The following SIDT1 variants were observed in gnomAD, a reference collection of about 807,000 sequenced individuals.
SIDT1 encodes the protein SID1 transmembrane family member 1, also known as SID1 transmembrane family, member 1.
A neutral mutation model predicts 107.5 loss-of-function variants in SIDT1; 101 were observed. The ratio of observed to expected loss-of-function variants is 0.94; its 90% confidence interval spans 0.80 to 1.11. The LOEUF (loss-of-function observed/expected upper bound fraction) is 1.11, where lower values mean the gene tolerates loss of function less well. Ranked by LOEUF, SIDT1 falls within the 50% of genes least tolerant of loss-of-function variation. The pLI is 0.00. For missense variants in SIDT1, 1,076 were observed against 1,058.2 expected, an observed-to-expected ratio of 1.02 and a Z score of -0.23; for synonymous variants, 395 against 398.2, an observed-to-expected ratio of 0.99 and a Z score of 0.10.
At chr3:113,635,191 T>A in the SIDT1 span, among the ~76,000 whole-genome samples, 1 of 152,244 alleles carries the variant, frequency 6.6e-6, no homozygotes, top group Non-Finnish European at 1.5e-5. Context: ...GTGTGGTTAT[T>A]TATTTTCTAA....
intron 24 of SIDT1, among the ~76,000 whole-genome samples, chr3:113,626,422 T>C (rs116033694): frequency 1.1e-3 from 167 of 152,282 alleles, no homozygotes; most frequent in African/African-American, 3.9e-3. Context: ...TACTCTTCAA[T>C]ATCTTTAGAC....
intron 3 of SIDT1, among the ~76,000 whole-genome samples, chr3:113,574,337 A>G (rs116199319): frequency 2.0e-5 from 3 of 152,236 alleles, no homozygotes; most frequent in African/African-American, 7.2e-5. Context: ...AGTTCATAGC[A>G]GATGGCAGAA....
chr3:113,552,756 A>G (rs1244923279), intron 1 of SIDT1, among the ~76,000 whole-genome samples: 1 of 152,028 alleles, frequency 6.6e-6, no homozygotes. Context: ...TTTTTGTGTC[A>G]TTTACTCACA....
intron 1 of SIDT1, among the ~76,000 whole-genome samples, chr3:113,541,263 G>A (rs867712953): frequency 3.3e-5 from 5 of 151,928 alleles, no homozygotes; most frequent in Admixed American, 6.6e-5. Flanking sequence ...TCTGCCTCCC[G>A]GGTTCAAGAA....
intron 1 of SIDT1, among the ~76,000 whole-genome samples, chr3:113,561,958 G>A (rs1409734218): frequency 1.3e-5 from 2 of 152,148 alleles, no homozygotes; most frequent in East Asian, 3.8e-4. Flanking sequence ...TAGCTTTTAA[G>A]CCAGACCAAA....
rs1942104999 is a variant in SIDT1 at position 113,568,280 on chromosome 3, C to A, written c.515+570C>A. On this transcript the variant is annotated intron_variant, in intron 3 of 24. Transcript: ENST00000264852. ...GAAGCTACCCAAATAGTCAAAAAAA[C>A]ACAACCTCATTAGCTATAAGAAATG... Among the ~76,000 whole-genome samples, 2 of 151,988 alleles carry A rather than the reference C, an allele frequency of 1.3e-5. 1 individual carries two copies. The highest frequency in any genetic ancestry group is 4.1e-4 in the South Asian group (2 of 4,822).
intron 1 of SIDT1, among the ~76,000 whole-genome samples, chr3:113,539,845 A>G (rs763497361): frequency 4.6e-5 from 7 of 152,132 alleles, no homozygotes; most frequent in Non-Finnish European, 1.0e-4. Context: ...TCTACTAAAA[A>G]TACAAAAAAG....
Position 113,615,070 on chromosome 3 carries a change from T to G in SIDT1, c.1967-1030T>G. The G allele has an allele frequency of 2.6e-6, 4 of 1,535,706 alleles. No individual in the cohort carries two copies. The South Asian group carries it at 4.8e-5, about 18-fold the overall frequency. ...TGCTTCCTACTGATTCAGATGTGTC[T>G]GACACAGGTAATGTTCAGCCACCCT... is the stretch of plus-strand genomic sequence containing the variant. On this transcript the variant is annotated intron_variant, in intron 19 of 24. Coordinates refer to ENST00000264852, the MANE Select transcript of SIDT1 (RefSeq NM_017699.3).
At chr3:113,588,178 C>T (rs1943878643) in intron 9 of SIDT1, among the ~76,000 whole-genome samples, 2 of 152,176 alleles carry the variant, frequency 1.3e-5, no homozygotes, top group African/African-American at 4.8e-5. Context: ...TTTTTCTAAG[C>T]TGTGGTATAA....
chr3:113,574,173 G>T lies in SIDT1; in HGVS notation c.516-2749G>T, dbSNP rs1942710785. ...AGAAAGGCAGATTAAATTCATAGGA[G>T]AGTTGGATATTTGTAGATGCAAAGT... is the stretch of plus-strand genomic sequence containing the variant. On this transcript the variant is annotated intron_variant, in intron 3 of 24. Transcript: ENST00000264852. Among the ~76,000 whole-genome samples, 9 of 152,320 alleles carry T rather than the reference G, an allele frequency of 5.9e-5. No homozygotes were observed. The South Asian group carries it at 1.9e-3, about 32-fold the overall frequency.
chr3:113,601,053 G>C (rs745725405), intron 10 of SIDT1, among the ~76,000 whole-genome samples: 5 of 152,166 alleles, frequency 3.3e-5, no homozygotes, highest in Non-Finnish European at 5.9e-5. Context: ...AACCACCAAA[G>C]AAGAAAAGAA....
intron 10 of SIDT1, among the ~76,000 whole-genome samples, chr3:113,595,237 C>T (rs1944457179): frequency 3.3e-5 from 5 of 152,138 alleles, no homozygotes; most frequent in East Asian, 1.9e-4. Context: ...CCTTCACTTC[C>T]GTGCACTAGA....
At chr3:113,541,921 CTTTCT>C (rs1938932352) in intron 1 of SIDT1, among the ~76,000 whole-genome samples, 1 of 129,812 alleles carries the variant, frequency 7.7e-6, no homozygotes, top group South Asian at 2.5e-4. Flanking sequence ...TTTTCTTTTT[CTTTCT>C]TTTTTTTTTT....
downstream of SIDT1, among the ~76,000 whole-genome samples, chr3:113,630,969 A>G (rs539251452): frequency 1.3e-5 from 2 of 152,252 alleles, no homozygotes; most frequent in East Asian, 3.9e-4. Context: ...AGGCCTCTTC[A>G]TCTTCAGAGA....
intron 12 of SIDT1, 142 bp from the exon 13 acceptor site, chr3:113,603,818 T>G: frequency 1.7e-6 from 1 of 599,650 alleles, no homozygotes; most frequent in Non-Finnish European, 2.9e-6. Flanking sequence ...CTTAATCAAA[T>G]TTAGTAAATT....
chr3:113,630,868 G>T (rs1352173082), downstream of SIDT1, among the ~76,000 whole-genome samples: 1 of 152,124 alleles, frequency 6.6e-6, no homozygotes, highest in Non-Finnish European at 1.5e-5. Flanking sequence ...GGATCCATCA[G>T]CCAGTCTGGG....
intron 17 of SIDT1, among the ~76,000 whole-genome samples, chr3:113,609,055 A>ATTTTTTT (rs1181141439): frequency 1.9e-5 from 2 of 103,994 alleles, no homozygotes; most frequent in Admixed American, 1.2e-4. Context: ...TCATGAGCCC[A>ATTTTTTT]TTCTTTTTTT....
chr3:113,615,181 C>T (rs1031657862), intron 19 of SIDT1: 19 of 1,234,650 alleles, frequency 1.5e-5, no homozygotes, highest in African/African-American at 1.3e-4. Context: ...TCTTTCAGGC[C>T]GGGCAGACTC....
At chr3:113,605,542 T>A (rs1318042542) in intron 14 of SIDT1, among the ~76,000 whole-genome samples, 1 of 152,222 alleles carries the variant, frequency 6.6e-6, no homozygotes, top group Non-Finnish European at 1.5e-5. Context: ...CCTGTGCTTA[T>A]TCAGTCATGA....
Sources: allele counts gnomAD v4.1 joint callset (sites outside exome capture counted in the v4.1 genomes callset), GRCh38; gene constraint gnomAD v4.1.1; transcripts MANE v1.5; gene names NCBI Gene and HGNC (gene_info 2026-07-23, HGNC 2026-07-21).